The following TBCD variants were observed in gnomAD, a reference collection of about 807,000 sequenced individuals.
The protein encoded by TBCD is tubulin folding cofactor D.
TBCD carries 105 observed loss-of-function variants against 169.3 expected under a neutral mutation model. The observed-to-expected ratio is 0.62, with a 90% confidence interval of 0.53 to 0.73. TBCD has a LOEUF of 0.73. Among genes scored for constraint, TBCD ranks in the 30% least tolerant of loss-of-function variants. The pLI, the probability that TBCD is intolerant of heterozygous loss-of-function variation, is 0.00. For synonymous variants in TBCD, 700 were observed against 643.9 expected, an observed-to-expected ratio of 1.09 and a Z score of -1.32; for missense variants, 1,444 against 1,600.1, an observed-to-expected ratio of 0.90 and a Z score of 1.66.
chr17:82,945,094 T>C lies in TBCD; in HGVS notation c.*2631T>C, dbSNP rs1164166223. On this transcript the variant is annotated 3_prime_UTR_variant, in exon 39 of 39. Transcript: ENST00000355528. ...GGTAGAATGTAGGCTATAATATGAG[T>C]ACATTTTTGAAAAGGGCTAGAAATG... The C allele has an allele frequency of 6.6e-6, 1 of 152,024 alleles. No individual in the cohort carries two copies. The highest frequency in any genetic ancestry group is 1.5e-5 in the Non-Finnish European group (1 of 68,008). The allele number at this position is 152,024 out of a possible 1,614,324, so 9.4% of individuals were successfully genotyped here. A position where few individuals can be genotyped will look rare whatever the true frequency, so the allele number is the denominator to read the frequency against.
rs559330520 is a variant in TBCD at position 82,782,938 on chromosome 17, C to G, written c.771+1217C>G. 2.0e-5 allele frequency among the ~76,000 whole-genome samples: 3 copies of G among 150,954 alleles called. No individual in the cohort carries two copies. Among genetic ancestry groups the G allele is most frequent in the African/African-American group, 7.3e-5 (3 of 41,080 alleles). ...GTCGTCTTCCTGTCCATGGCGGCCT[C>G]CTGTCCGCGGTGCCCTCCTGTCCAT... is the stretch of plus-strand genomic sequence containing the variant. On this transcript the variant is annotated intron_variant, in intron 7 of 38. Coordinates refer to ENST00000355528, the MANE Select transcript of TBCD (RefSeq NM_005993.5). This position sits in a 1 kb window ranked among gnomAD's most constrained non-coding sequence, Gnocchi z 5.1.
chr17:82,825,104 A>C (rs899507408), intron 13 of TBCD, among the ~76,000 whole-genome samples: 3 of 152,176 alleles, frequency 2.0e-5, no homozygotes, highest in Non-Finnish European at 4.4e-5. Context: ...TGCATCAGGC[A>C]CATGTAGCCT....
In TBCD at chr17:82,789,842, T is replaced by C. The variant is rs2049574492; in HGVS notation, c.772-7915T>C. 6.6e-6 allele frequency among the ~76,000 whole-genome samples: 1 copy of C among 152,222 alleles called. No homozygotes were observed. The highest frequency in any genetic ancestry group is 1.9e-4 in the East Asian group (1 of 5,202). On this transcript the variant is annotated intron_variant, in intron 7 of 38. Transcript: ENST00000355528. This position sits in a 1 kb window ranked among gnomAD's most constrained non-coding sequence, Gnocchi z 4.8. ...GAACCCGCAAGTCCCAGGTCACACCTGTTGTACCATCACTTTCCCCTCCTG... is the reference window on the plus strand; with the variant it reads ...GAACCCGCAAGTCCCAGGTCACACCCGTTGTACCATCACTTTCCCCTCCTG...
chr17:82,758,398 A>AAAT (rs1555672620), intron 2 of TBCD, among the ~76,000 whole-genome samples: 2 of 140,778 alleles, frequency 1.4e-5, no homozygotes, highest in Non-Finnish European at 3.0e-5. Flanking sequence ...AAAAAAAAAA[A>AAAT]AAAAATAAAT....
intron 22 of TBCD, among the ~76,000 whole-genome samples, chr17:82,910,451 T>C (rs2060550829): frequency 6.6e-6 from 1 of 152,256 alleles, no homozygotes; most frequent in South Asian, 2.1e-4. Flanking sequence ...AAAAATTTTA[T>C]CGTCTGTCTT....
chr17:82,827,538 G>A (rs1404104943), intron 13 of TBCD, among the ~76,000 whole-genome samples: 1 of 152,184 alleles, frequency 6.6e-6, no homozygotes, highest in Non-Finnish European at 1.5e-5. Flanking sequence ...CGCACATGCC[G>A]GTACTTGACC....
chr17:82,930,335 CT>C lies in TBCD; in HGVS notation c.2992-185del. On this transcript the variant is annotated intron_variant, in intron 32 of 38. Coordinates refer to ENST00000355528, the MANE Select transcript of TBCD (RefSeq NM_005993.5). The surrounding 1 kb of genome is among the most constrained non-coding windows in gnomAD (Gnocchi z 5.2). ...GCCGTTGCCGAGAGCCTTGTGTCTGCTTCGGGTGTCTGCACTGTGAGTGGCT... is the reference window on the plus strand; with the variant it reads ...GCCGTTGCCGAGAGCCTTGTGTCTGCTCGGGTGTCTGCACTGTGAGTGGCT... 1.3e-6 allele frequency: 1 copy of C among 749,584 alleles called. No individual in the cohort carries two copies. Among genetic ancestry groups the C allele is most frequent in the Non-Finnish European group, 2.1e-6 (1 of 482,010 alleles). 46.4% of individuals were successfully genotyped at this position (749,584 alleles called of 1,614,324 possible).
intron 13 of TBCD, among the ~76,000 whole-genome samples, chr17:82,840,964 T>G (rs1485676582): frequency 2.3e-5 from 3 of 131,910 alleles, no homozygotes; most frequent in African/African-American, 5.9e-5. Context: ...GTTTTTTTTT[T>G]TTTTTTTTTT....
chr17:82,829,896 C>T (rs1329731385), intron 13 of TBCD: 5 of 580,088 alleles, frequency 8.6e-6, no homozygotes, highest in African/African-American at 5.6e-5. Context: ...CTTGAAAATA[C>T]ATATCAGTCT....
At chr17:82,925,861 T>C (rs557270797) in intron 27 of TBCD, among the ~76,000 whole-genome samples, 1 of 152,040 alleles carries the variant, frequency 6.6e-6, no homozygotes, top group Non-Finnish European at 1.5e-5. Context: ...GGACCTCAGG[T>C]AGGGTGTGGC....
chr17:82,869,519 C>G (rs1383471511), intron 13 of TBCD, among the ~76,000 whole-genome samples: 2 of 151,922 alleles, frequency 1.3e-5, no homozygotes, highest in African/African-American at 4.8e-5. Flanking sequence ...GACCCTGTCT[C>G]AAAAAAATAA....
chr17:82,898,848 G>A (rs867383477), intron 17 of TBCD, among the ~76,000 whole-genome samples: 3 of 152,184 alleles, frequency 2.0e-5, no homozygotes, highest in Non-Finnish European at 4.4e-5. Context: ...TAATTTACAC[G>A]CTTTCAGCTG....
intron 13 of TBCD, among the ~76,000 whole-genome samples, chr17:82,819,801 C>T (rs570631715): frequency 5.3e-5 from 8 of 152,224 alleles, no homozygotes; most frequent in South Asian, 4.2e-4. Context: ...GTGGTCCTGG[C>T]GTAGGTCCTT....
At chr17:82,764,680 A>G (rs2047935818) in intron 3 of TBCD, among the ~76,000 whole-genome samples, 1 of 152,266 alleles carries the variant, frequency 6.6e-6, no homozygotes. Context: ...TGTGCAGATG[A>G]ATTTCCTGGG....
Position 82,939,089 on chromosome 17 carries a change from A to G in TBCD, c.3370-278A>G, listed in dbSNP as rs543972712. 105 of 520,864 alleles carry G rather than the reference A, an allele frequency of 2.0e-4. 1 individual carries two copies. In the Middle Eastern group the frequency reaches 2.6e-3, roughly 13 times the overall value. 32.3% of individuals were successfully genotyped at this position (520,864 alleles called of 1,614,324 possible). ...GGCGAGATTGCTTCTCTGGTGAGGG[A>G]GCAGGTTGGTTAATAAAGCATTTAA... On this transcript the variant is annotated intron_variant, in intron 36 of 38. Coordinates refer to ENST00000355528, the MANE Select transcript of TBCD (RefSeq NM_005993.5).
chr17:82,767,200 GGTAT>G (rs1167180778), intron 4 of TBCD, among the ~76,000 whole-genome samples: 3 of 152,062 alleles, frequency 2.0e-5, no homozygotes, highest in Non-Finnish European at 2.9e-5. Flanking sequence ...TCTTCTGCGT[GGTAT>G]GTATTTGGAG....
Position 82,889,314 on chromosome 17 carries a change from A to G in TBCD, c.1534-354A>G, listed in dbSNP as rs2058967429. ...CCAGTTGGTGACCATGAGCTGCCTCACTCCTGAGGAAGAGTGTTCGGGCTC... is the reference window on the plus strand; with the variant it reads ...CCAGTTGGTGACCATGAGCTGCCTCGCTCCTGAGGAAGAGTGTTCGGGCTC... On this transcript the variant is annotated intron_variant, in intron 15 of 38. Coordinates refer to ENST00000355528, the MANE Select transcript of TBCD (RefSeq NM_005993.5). The surrounding 1 kb of genome is among the most constrained non-coding windows in gnomAD (Gnocchi z 5.3). 2.0e-5 allele frequency among the ~76,000 whole-genome samples: 3 copies of G among 151,540 alleles called. No individual in the cohort carries two copies. The highest frequency in any genetic ancestry group is 4.9e-5 in the African/African-American group (2 of 41,184).
chr17:82,901,474 G>C (rs1054286233), intron 18 of TBCD, among the ~76,000 whole-genome samples: 4 of 147,892 alleles, frequency 2.7e-5, no homozygotes, highest in Non-Finnish European at 6.1e-5. Flanking sequence ...GGAGCGGCCC[G>C]GCTGCCTGCC....
In TBCD at chr17:82,811,334, C is replaced by T. The variant is rs150874701; in HGVS notation, c.1223+1552C>T. Among the ~76,000 whole-genome samples the T allele has an allele frequency of 1.5e-3, 225 of 152,384 alleles. 1 individual carries two copies. The highest frequency in any genetic ancestry group is 5.1e-3 in the African/African-American group (212 of 41,596). ...TAAACTCACTGTGTGTCTTTCCCTC[C>T]ACAACGTGCAGCCTCTCTGGACTGT... On this transcript the variant is annotated intron_variant, in intron 12 of 38. Coordinates refer to ENST00000355528, the MANE Select transcript of TBCD (RefSeq NM_005993.5).
Sources: gnomAD v4.1 joint callset for allele counts (sites outside exome capture counted in the v4.1 genomes callset) on GRCh38, gnomAD v4.1.1 for gene constraint, Gnocchi (gnomAD v3.1) non-coding constraint, MANE v1.5 for transcripts, NCBI Gene and HGNC (gene_info 2026-07-23, HGNC 2026-07-21) for gene names.